The following PRMT3 variants were observed in gnomAD, a reference collection of about 807,000 sequenced individuals.
PRMT3 encodes the protein protein arginine methyltransferase 3, also known as protein arginine N-methyltransferase 3.
In PRMT3, 62 loss-of-function variants were observed where a neutral mutation model predicts 71.9. That is an observed-to-expected ratio of 0.86 (90% CI 0.70 to 1.07). The LOEUF (loss-of-function observed/expected upper bound fraction) is 1.07. Among genes scored for constraint, PRMT3 ranks in the 50% least tolerant of loss-of-function variants. PRMT3 has a pLI of 0.00. For synonymous variants in PRMT3, 213 were observed against 220.4 expected (o/e 0.97, Z 0.30); for missense variants, 663 against 643.0 (o/e 1.03, Z -0.34).
At chr11:20,427,038 T>A (rs886511491) in intron 10 of PRMT3, among the ~76,000 whole-genome samples, 173 bp downstream of exon 10, 6 of 152,230 alleles carry the variant, frequency 3.9e-5, no homozygotes, top group Non-Finnish European at 7.3e-5. Context: ...TACAGTCTTC[T>A]TACTGTAGTT....
intron 9 of PRMT3, among the ~76,000 whole-genome samples, chr11:20,419,936 T>C (rs112519799): frequency 0.067 from 10,260 of 152,072 alleles, 1,105 homozygotes; most frequent in African/African-American, 0.23. Flanking sequence ...CTTTGGGAGG[T>C]CAAGGTAGGT....
chr11:20,508,616 A>G lies in PRMT3; in HGVS notation c.*203A>G. 1 of 676,020 alleles carries G rather than the reference A, an allele frequency of 1.5e-6. No homozygotes were observed. The highest frequency in any genetic ancestry group is 2.9e-5 in the East Asian group (1 of 34,818). The allele number at this position is 676,020 out of a possible 1,614,324, so 41.9% of individuals were successfully genotyped here. ...AATCAGCTGATCCTCATGGTCTGCC[A>G]CGTAATCATTTTCTTAGACGTTTGC... is the stretch of plus-strand genomic sequence containing the variant. On this transcript the variant is annotated 3_prime_UTR_variant, in exon 16 of 16. Transcript: ENST00000331079.
intron 13 of PRMT3, among the ~76,000 whole-genome samples, chr11:20,469,253 G>GCTAC (rs1249293583): frequency 2.0e-5 from 3 of 152,176 alleles, no homozygotes; most frequent in African/African-American, 7.2e-5. Context: ...AAAAGCAAAA[G>GCTAC]CGGTAAGACT....
At chr11:20,445,593 A>G (rs1850008224) in intron 10 of PRMT3, among the ~76,000 whole-genome samples, 1 of 152,150 alleles carries the variant, frequency 6.6e-6, no homozygotes, top group Non-Finnish European at 1.5e-5. Flanking sequence ...AGTAATAACG[A>G]ATAGTTATAT....
intron 15 of PRMT3, among the ~76,000 whole-genome samples, chr11:20,501,007 A>C (rs1424418820): frequency 6.6e-6 from 1 of 152,120 alleles, no homozygotes; most frequent in South Asian, 2.1e-4. Context: ...CATGTACTCC[A>C]GTTGTACAGA....
At chr11:20,475,164 C>G (rs1305517349) in intron 13 of PRMT3, among the ~76,000 whole-genome samples, 1 of 152,134 alleles carries the variant, frequency 6.6e-6, no homozygotes, top group Non-Finnish European at 1.5e-5. Flanking sequence ...TAGGGCTTAA[C>G]AAAGGGTTAT....
chr11:20,466,348 C>T (rs1259527645), intron 13 of PRMT3, among the ~76,000 whole-genome samples: 3 of 152,156 alleles, frequency 2.0e-5, no homozygotes, highest in African/African-American at 7.2e-5. Context: ...TAGCCTAGCA[C>T]TGTAGGTTCT....
At chr11:20,478,713 ACT>A (rs897903284) in intron 13 of PRMT3, among the ~76,000 whole-genome samples, 3 of 152,082 alleles carry the variant, frequency 2.0e-5, no homozygotes, top group African/African-American at 4.8e-5. Flanking sequence ...TAGTCATAAT[ACT>A]CTGTTTTCAT....
intron 15 of PRMT3, among the ~76,000 whole-genome samples, chr11:20,494,460 A>C (rs911964666): frequency 6.6e-6 from 1 of 152,116 alleles, no homozygotes; most frequent in African/African-American, 2.4e-5. Context: ...CAGCCTCCCA[A>C]GTACTTGGGA....
At chr11:20,504,745 A>AGAGAGAGAGAGAGAGAGAGAGAGCGC (rs1491497481) in intron 15 of PRMT3, among the ~76,000 whole-genome samples, 6 of 141,138 alleles carry the variant, frequency 4.3e-5, no homozygotes, top group African/African-American at 1.6e-4. Context: ...AGAGAGAGAG[A>AGAGAGAGAGAGAGAGAGAGAGAGCGC]GCGAGAGCGA....
intron 13 of PRMT3, among the ~76,000 whole-genome samples, chr11:20,476,453 T>C (rs1056919799): frequency 1.3e-5 from 2 of 152,196 alleles, no homozygotes; most frequent in Admixed American, 1.3e-4. Flanking sequence ...AATATGAATG[T>C]AAAGTTTTAG....
At chr11:20,490,546 C>A (rs1851182537) in intron 13 of PRMT3, among the ~76,000 whole-genome samples, 1 of 149,792 alleles carries the variant, frequency 6.7e-6, no homozygotes. Flanking sequence ...GGAGGCCCCC[C>A]AAAAAATGTG....
intron 13 of PRMT3, among the ~76,000 whole-genome samples, chr11:20,483,904 G>A (rs576128973): frequency 6.6e-6 from 1 of 152,334 alleles, no homozygotes; most frequent in South Asian, 2.1e-4. Context: ...TAATTGTACA[G>A]ATGAGGGAAT....
chr11:20,447,160 C>CT (rs931335161), intron 10 of PRMT3, among the ~76,000 whole-genome samples: 6 of 150,708 alleles, frequency 4.0e-5, no homozygotes, highest in South Asian at 4.2e-4. Context: ...AAGTTTGGTG[C>CT]TTTTTTTTTA....
chr11:20,412,654 T>A (rs1346045176), intron 9 of PRMT3, among the ~76,000 whole-genome samples: 1 of 152,174 alleles, frequency 6.6e-6, no homozygotes, highest in African/African-American at 2.4e-5. Flanking sequence ...CATTTGAGTG[T>A]TGGTGCATGA....
chr11:20,418,327 A>T (rs1265130096), intron 9 of PRMT3, among the ~76,000 whole-genome samples: 1 of 152,058 alleles, frequency 6.6e-6, no homozygotes. Flanking sequence ...AAATCTGTAT[A>T]TTTTTTTCAC....
rs746901328 is a variant in PRMT3, at chr11:20,408,010, T to C, written c.871T>C (p.Tyr291His). 130 of 1,585,116 alleles carry C rather than the reference T, an allele frequency of 8.2e-5. No individual in the cohort carries two copies. The highest frequency in any genetic ancestry group is 1.0e-4 in the Non-Finnish European group (120 of 1,154,618). Reference sequence around the variant, plus strand: ...TGGAGTTGATCAATCTGAAATACTTTACCAGGCAATGGATATTATAAGGTA... The same window carrying C: ...TGGAGTTGATCAATCTGAAATACTTCACCAGGCAATGGATATTATAAGGTA... ...VLGVDQSEILYQAMDIIRLNK... is the reference protein window; with the variant it reads ...VLGVDQSEILHQAMDIIRLNK... The change falls in exon 9 of 16, where the codon TAC (tyrosine) becomes CAC (histidine). Residue 291 changes from tyrosine to histidine, a missense_variant. Physicochemically the swap from Tyr to His is moderately conservative, Grantham distance 83 (BLOSUM62 2). Transcript: ENST00000331079.
chr11:20,393,967 C>T (rs1408863174), intron 5 of PRMT3: 1 of 152,140 alleles, frequency 6.6e-6, no homozygotes, highest in Non-Finnish European at 1.5e-5. Context: ...AGTTTTTAAA[C>T]CTCAGTGACT....
chr11:20,503,936 C>T (rs1481471291), intron 15 of PRMT3, among the ~76,000 whole-genome samples: 4 of 152,132 alleles, frequency 2.6e-5, no homozygotes, highest in Non-Finnish European at 5.9e-5. Context: ...TATCTAACAT[C>T]CCTAGGGCTA....
Sources: allele counts gnomAD v4.1 joint callset (sites outside exome capture counted in the v4.1 genomes callset), GRCh38; gene constraint gnomAD v4.1.1; transcripts MANE v1.5; gene names NCBI Gene and HGNC (gene_info 2026-07-23, HGNC 2026-07-21).